The following CCDC7 variants were observed in gnomAD, a reference collection of about 807,000 sequenced individuals.
CCDC7 encodes the protein coiled-coil domain-containing protein 7.
A neutral mutation model predicts 196.9 loss-of-function variants in CCDC7; 183 were observed. That is an observed-to-expected ratio of 0.93 (90% confidence interval 0.82 to 1.05). The LOEUF is 1.05. Among genes scored for constraint, CCDC7 ranks in the 50% least tolerant of loss-of-function variants. CCDC7 has a pLI of 0.00. For missense variants in CCDC7, 1,540 were observed against 1,482.2 expected (o/e 1.04, Z -0.64); for synonymous variants, 525 against 484.6 (o/e 1.08, Z -1.10).
At chr10:32,627,814 T>C (rs1272708560) in intron 18 of CCDC7, among the ~76,000 whole-genome samples, 1 of 152,020 alleles carries the variant, frequency 6.6e-6, no homozygotes, top group African/African-American at 2.4e-5. Context: ...ATATATCACA[T>C]TTATTGATTT....
At chr10:32,610,851 T>C (rs1480993743) in intron 18 of CCDC7, among the ~76,000 whole-genome samples, 1 of 152,224 alleles carries the variant, frequency 6.6e-6, no homozygotes, top group Non-Finnish European at 1.5e-5. Flanking sequence ...GTTCCAAGTC[T>C]TTGCTATTGT....
intron 14 of CCDC7, among the ~76,000 whole-genome samples, chr10:32,566,327 T>C (rs1017260443): frequency 6.6e-6 from 1 of 152,118 alleles, no homozygotes; most frequent in Non-Finnish European, 1.5e-5. Flanking sequence ...TGTAGCCTTT[T>C]CACTCAATAA....
In CCDC7 at chr10:32,727,072, A is replaced by G. The variant is rs145204230; in HGVS notation, c.2668+240A>G. On this transcript the variant is annotated intron_variant, in intron 26 of 41. Transcript: ENST00000639629. ...TGCACTCAATATCTACCAAGGCCCAATAATTCGCCTACAGTATCTTGAAGA... is the reference window on the plus strand; with the variant it reads ...TGCACTCAATATCTACCAAGGCCCAGTAATTCGCCTACAGTATCTTGAAGA... Among the ~76,000 whole-genome samples the G allele has an allele frequency of 7.0e-3, 1,073 of 152,286 alleles. 13 individuals carry two copies. The highest frequency in any genetic ancestry group is 0.025 in the African/African-American group (1,023 of 41,552).
chr10:32,621,417 A>AT, intron 18 of CCDC7, among the ~76,000 whole-genome samples: 1 of 152,152 alleles, frequency 6.6e-6, no homozygotes, highest in East Asian at 1.9e-4. Flanking sequence ...CCACCACTGT[A>AT]TTAGTCAGGC....
chr10:32,688,859 T>C (rs2076754945), intron 22 of CCDC7, among the ~76,000 whole-genome samples, 194 bp from the exon 24 acceptor site: 1 of 152,332 alleles, frequency 6.6e-6, no homozygotes, highest in Middle Eastern at 3.4e-3. Context: ...AATATTGATA[T>C]GGTGAGATAG....
intron 13 of CCDC7, among the ~76,000 whole-genome samples, chr10:32,562,071 G>A (rs913283607): frequency 1.6e-4 from 25 of 152,108 alleles, no homozygotes; most frequent in African/African-American, 6.0e-4. Context: ...TAAGTTCCTC[G>A]ACACATACAC....
chr10:32,564,408 C>T (rs1199812317), intron 13 of CCDC7, among the ~76,000 whole-genome samples: 2 of 152,118 alleles, frequency 1.3e-5, no homozygotes, highest in Non-Finnish European at 2.9e-5. Context: ...ACCCACATGT[C>T]CAACAACGAT....
intron 20 of CCDC7, among the ~76,000 whole-genome samples, chr10:32,645,870 C>G (rs1293966893): frequency 1.3e-5 from 2 of 151,948 alleles, no homozygotes; most frequent in Non-Finnish European, 2.9e-5. Context: ...ATTTCTGTGG[C>G]ATCAGCTGCA....
chr10:32,869,619 T>C (rs1475397798), intron 41 of CCDC7, among the ~76,000 whole-genome samples: 1 of 152,162 alleles, frequency 6.6e-6, no homozygotes, highest in Non-Finnish European at 1.5e-5. Context: ...TTTTGGTGTT[T>C]TAGACATGAA....
At chr10:32,690,003 G>T (rs1446644365) in intron 23 of CCDC7, among the ~76,000 whole-genome samples, 1 of 152,140 alleles carries the variant, frequency 6.6e-6, no homozygotes, top group South Asian at 2.1e-4. Context: ...CCAAAGTGCT[G>T]GCATTGCAGG....
At chr10:32,642,736 C>A (rs1394373379) in intron 20 of CCDC7, among the ~76,000 whole-genome samples, 1 of 152,206 alleles carries the variant, frequency 6.6e-6, no homozygotes, top group Non-Finnish European at 1.5e-5. Context: ...AATCATCCGT[C>A]TTCTGCGTCA....
chr10:32,590,918 A>T (rs1256662620), intron 18 of CCDC7, among the ~76,000 whole-genome samples: 1 of 151,796 alleles, frequency 6.6e-6, no homozygotes, highest in Non-Finnish European at 1.5e-5. Flanking sequence ...TTCTTTCTTT[A>T]TCCTTGACCT....
chr10:32,666,000 C>T (rs1265635102), intron 21 of CCDC7, among the ~76,000 whole-genome samples: 1 of 151,718 alleles, frequency 6.6e-6, no homozygotes, highest in Non-Finnish European at 1.5e-5. Context: ...TCAGACAGTT[C>T]ATTGTTAGAG....
intron 28 of CCDC7, among the ~76,000 whole-genome samples, chr10:32,770,266 C>A (rs529906724): frequency 6.6e-6 from 1 of 152,158 alleles, no homozygotes; most frequent in South Asian, 2.1e-4. Context: ...GTTAACTTCT[C>A]TCTTAGCACT....
At chr10:32,622,114 C>T (rs1192710226) in intron 18 of CCDC7, among the ~76,000 whole-genome samples, 1 of 152,176 alleles carries the variant, frequency 6.6e-6, no homozygotes, top group Admixed American at 6.6e-5. Context: ...GTACTGTCTT[C>T]TGTGTGTACT....
At chr10:32,737,719 T>C (rs2133037667) in intron 28 of CCDC7, among the ~76,000 whole-genome samples, 1 of 152,318 alleles carries the variant, frequency 6.6e-6, no homozygotes, top group South Asian at 2.1e-4. Context: ...GGTGCATACT[T>C]ATTAAGTATT....
At chr10:32,735,339 C>T (rs2084683042) in intron 28 of CCDC7, among the ~76,000 whole-genome samples, 1 of 152,156 alleles carries the variant, frequency 6.6e-6, no homozygotes, top group African/African-American at 2.4e-5. Context: ...TGAGAGTTCC[C>T]ATGTTCCTTG....
chr10:32,831,586 A>G (rs1275158567), intron 32 of CCDC7, among the ~76,000 whole-genome samples: 4 of 152,066 alleles, frequency 2.6e-5, no homozygotes, highest in Non-Finnish European at 5.9e-5. Flanking sequence ...GCTGCTTTCT[A>G]TTTAATTTTT....
intron 28 of CCDC7, 31 bp from the exon 30 acceptor site, chr10:32,778,946 C>A: frequency 6.7e-7 from 1 of 1,492,272 alleles, no homozygotes; most frequent in Non-Finnish European, 9.1e-7. Flanking sequence ...TTTTTTAAAT[C>A]AACTACTTTG....
Sources: allele counts gnomAD v4.1 joint callset (sites outside exome capture counted in the v4.1 genomes callset), GRCh38; gene constraint gnomAD v4.1.1; transcripts MANE v1.5; gene names NCBI Gene and HGNC (gene_info 2026-07-23, HGNC 2026-07-21).